Variants in TMEM123 observed in about 807,000 individuals in gnomAD.
The protein encoded by TMEM123 is porimin.
TMEM123 carries 16 observed loss-of-function variants against 19.7 expected under a neutral mutation model. That is an observed-to-expected ratio of 0.81 (90% CI 0.55 to 1.23). TMEM123 has a LOEUF of 1.23. Ranked by LOEUF, TMEM123 falls within the 50% of genes most tolerant of loss-of-function variation. The pLI is 0.00. For synonymous variants in TMEM123, 118 were observed against 99.4 expected, an observed-to-expected ratio of 1.19 and a Z score of -1.12; for missense variants, 313 against 257.8, an observed-to-expected ratio of 1.21 and a Z score of -1.47.
intron 2 of TMEM123, 66 bp from the exon 3 acceptor site, chr11:102,402,272 G>T: frequency 6.6e-7 from 1 of 1,518,072 alleles, no homozygotes; most frequent in Non-Finnish European, 9.0e-7. Flanking sequence ...CCATTTCACT[G>T]AGACTTTCAT....
At chr11:102,439,033 C>T (rs1323065548) in intron 2 of TMEM123, among the ~76,000 whole-genome samples, 3 of 152,226 alleles carry the variant, frequency 2.0e-5, no homozygotes, top group African/African-American at 7.2e-5. Flanking sequence ...CGCAGCGAGG[C>T]TGGGGGAGGG....
chr11:102,432,753 A>C (rs1299794285), intron 2 of TMEM123, among the ~76,000 whole-genome samples: 1 of 152,184 alleles, frequency 6.6e-6, no homozygotes, highest in Non-Finnish European at 1.5e-5. Flanking sequence ...GGAGGGAAAA[A>C]TGGTTTCCTG....
chr11:102,441,235 ATATACATTCT>A (rs1857822696), intron 2 of TMEM123, among the ~76,000 whole-genome samples: 2 of 152,240 alleles, frequency 1.3e-5, no homozygotes, highest in African/African-American at 4.8e-5. Flanking sequence ...AATCAACAGA[ATATACATTCT>A]TCTCAGCACC....
intron 2 of TMEM123, among the ~76,000 whole-genome samples, chr11:102,434,046 T>A (rs1428923764): frequency 6.6e-6 from 1 of 151,964 alleles, no homozygotes; most frequent in Non-Finnish European, 1.5e-5. Context: ...AGTGCTGTAA[T>A]GAACATGGGA....
intron 1 of TMEM123, among the ~76,000 whole-genome samples, chr11:102,449,692 G>C (rs1426634781): frequency 6.6e-6 from 1 of 152,218 alleles, no homozygotes; most frequent in African/African-American, 2.4e-5. Context: ...TACAGTGTAA[G>C]ATTAACTTGA....
chr11:102,404,765 A>G (rs1951941281), intron 2 of TMEM123, among the ~76,000 whole-genome samples: 1 of 151,470 alleles, frequency 6.6e-6, no homozygotes, highest in Non-Finnish European at 1.5e-5. Context: ...AAGCCCACCT[A>G]ATTTTTGTAC....
At chr11:102,440,552 A>G (rs1036762137) in intron 2 of TMEM123, among the ~76,000 whole-genome samples, 11 of 152,254 alleles carry the variant, frequency 7.2e-5, no homozygotes, top group Non-Finnish European at 1.3e-4. Flanking sequence ...TAAAGGAAGC[A>G]CTAAACATGG....
At chr11:102,400,973 T>C (rs573737263) in intron 4 of TMEM123, among the ~76,000 whole-genome samples, 36 of 152,338 alleles carry the variant, frequency 2.4e-4, no homozygotes, top group African/African-American at 7.5e-4. Context: ...ATCAGACCTA[T>C]AGAGCTACAT....
intron 2 of TMEM123, among the ~76,000 whole-genome samples, chr11:102,411,621 T>C (rs962534402): frequency 2.0e-4 from 30 of 151,196 alleles, no homozygotes; most frequent in African/African-American, 7.1e-4. Flanking sequence ...AGGTAGTAGA[T>C]AGAGTCAGAA....
At chr11:102,434,194 T>G (rs1202022356) in intron 2 of TMEM123, among the ~76,000 whole-genome samples, 1 of 151,918 alleles carries the variant, frequency 6.6e-6, no homozygotes, top group Admixed American at 6.6e-5. Context: ...GCTGTACTAA[T>G]TTACATTCTC....
chr11:102,448,767 C>T, intron 2 of TMEM123, 45 bp downstream of exon 2: 2 of 1,582,178 alleles, frequency 1.3e-6, no homozygotes, highest in South Asian at 1.1e-5. Flanking sequence ...ACTTCATGTA[C>T]CCTAGACAAA....
chr11:102,448,196 A>G (rs1290385865), intron 2 of TMEM123: 2 of 455,556 alleles, frequency 4.4e-6, no homozygotes, highest in East Asian at 1.4e-4. Context: ...GATTAAGGGC[A>G]GTGAGAAGAT....
At chr11:102,441,516 C>T (rs1408704117) in intron 2 of TMEM123, among the ~76,000 whole-genome samples, 7 of 152,082 alleles carry the variant, frequency 4.6e-5, no homozygotes, top group African/African-American at 1.2e-4. Flanking sequence ...ACACAACATA[C>T]CAGAATCTCT....
chr11:102,443,115 T>C (rs1318337468), intron 2 of TMEM123, among the ~76,000 whole-genome samples: 2 of 152,194 alleles, frequency 1.3e-5, no homozygotes, highest in Non-Finnish European at 2.9e-5. Context: ...AAAATGGCCA[T>C]ACTGCTCAAG....
chr11:102,422,269 T>C (rs1170607532), intron 2 of TMEM123, among the ~76,000 whole-genome samples: 2 of 151,944 alleles, frequency 1.3e-5, no homozygotes. Flanking sequence ...AGGTCAGGAG[T>C]TTGAGATCAG....
chr11:102,427,033 CTG>C (rs1260163145), intron 2 of TMEM123, among the ~76,000 whole-genome samples: 1 of 150,272 alleles, frequency 6.7e-6, no homozygotes, highest in Admixed American at 6.6e-5. Context: ...GGAGAGAACT[CTG>C]AGATTAAGTT....
chr11:102,401,742 T>A (rs776682421), intron 3 of TMEM123, 50 bp from the exon 4 acceptor site: 6 of 1,477,288 alleles, frequency 4.1e-6, no homozygotes, highest in Admixed American at 2.3e-5. Flanking sequence ...TTTTTTTTTT[T>A]AACATTGTAA....
intron 2 of TMEM123, among the ~76,000 whole-genome samples, chr11:102,432,580 A>T (rs1484979000): frequency 1.3e-5 from 2 of 152,262 alleles, no homozygotes; most frequent in African/African-American, 4.8e-5. Context: ...GATGTGACAG[A>T]AAAGAAAACC....
chr11:102,414,939 A>G (rs1952032383), intron 2 of TMEM123, among the ~76,000 whole-genome samples: 1 of 152,244 alleles, frequency 6.6e-6, no homozygotes, highest in South Asian at 2.1e-4. Flanking sequence ...ATCGTAAGCT[A>G]GCTTCAAGAG....
Sources: gnomAD v4.1 joint callset for allele counts (sites outside exome capture counted in the v4.1 genomes callset) on GRCh38, gnomAD v4.1.1 for gene constraint, MANE v1.5 for transcripts, NCBI Gene and HGNC (gene_info 2026-07-23, HGNC 2026-07-21) for gene names.